SCEL: variants seen among roughly 807,000 people sequenced by gnomAD.
SCEL encodes sciellin.
SCEL carries 113 observed loss-of-function variants against 117.6 expected under a neutral mutation model. The observed-to-expected ratio is 0.96, with a 90% CI of 0.83 to 1.12. The LOEUF is 1.12. SCEL is among the 50% of genes most tolerant of loss of function. SCEL has a pLI of 0.00. For missense variants in SCEL, 785 were observed against 810.8 expected, an observed-to-expected ratio of 0.97 and a Z score of 0.39; for synonymous variants, 270 against 256.2, an observed-to-expected ratio of 1.05 and a Z score of -0.51.
chr13:77,551,671 C>T (rs1398634916), intron 1 of SCEL, among the ~76,000 whole-genome samples: 5 of 151,976 alleles, frequency 3.3e-5, no homozygotes, highest in Admixed American at 6.6e-5. Flanking sequence ...CTAAGGGCCT[C>T]GTTTTTTTGT....
At chr13:77,556,735 T>A (rs1421068695) in intron 3 of SCEL, 22 bp downstream of exon 3, 1 of 1,520,716 alleles carries the variant, frequency 6.6e-7, no homozygotes, top group Non-Finnish European at 9.1e-7. Flanking sequence ...TGGAGCGTGG[T>A]GGGTGGACAG....
At chr13:77,637,080 A>T in intron 29 of SCEL, 40 bp from the exon 30 acceptor site, 1 of 1,042,656 alleles carries the variant, frequency 9.6e-7, no homozygotes, top group Non-Finnish European at 1.4e-6. Context: ...ACATAAGGAA[A>T]ATCACCTGAT....
At chr13:77,593,295 T>TGTGTGTGTGCGC (rs796907419) in intron 11 of SCEL, among the ~76,000 whole-genome samples, 4,643 of 136,760 alleles carry the variant, frequency 0.034, 152 homozygotes, top group Non-Finnish European at 0.044. Flanking sequence ...TGTGTGTGTG[T>TGTGTGTGTGCGC]GTCTGTGTGT....
chr13:77,627,731 C>T (rs2089814555), intron 27 of SCEL, among the ~76,000 whole-genome samples: 1 of 151,934 alleles, frequency 6.6e-6, no homozygotes, highest in Non-Finnish European at 1.5e-5. Flanking sequence ...AAAGTTAGTT[C>T]TTTATTTCTC....
At chr13:77,556,226 A>T (rs577420529) in intron 2 of SCEL, among the ~76,000 whole-genome samples, 2 of 152,184 alleles carry the variant, frequency 1.3e-5, no homozygotes, top group African/African-American at 2.4e-5. Context: ...GACTATTACT[A>T]TGTATTATAA....
At chr13:77,550,390 A>ATG (rs1491073597) in intron 1 of SCEL, among the ~76,000 whole-genome samples, 133 of 904 alleles carry the variant, frequency 0.15, no homozygotes, top group East Asian at 0.29. Flanking sequence ...TGTCTAAAAT[A>ATG]TATATATATA....
chr13:77,568,992 T>A (rs965911471), intron 7 of SCEL, among the ~76,000 whole-genome samples: 7 of 152,228 alleles, frequency 4.6e-5, no homozygotes, highest in African/African-American at 1.4e-4. Context: ...TGATTTAAAA[T>A]TTTTTATTAA....
At chr13:77,640,541 T>C (rs575241113) in intron 30 of SCEL, 135 bp from the exon 31 acceptor site, 2 of 403,918 alleles carry the variant, frequency 5.0e-6, no homozygotes, top group African/African-American at 2.1e-5. Context: ...CTCCAAACTT[T>C]CCTTGTTTTT....
At chr13:77,624,845 TG>T (rs1482154952) in intron 27 of SCEL, among the ~76,000 whole-genome samples, 1 of 152,200 alleles carries the variant, frequency 6.6e-6, no homozygotes, top group African/African-American at 2.4e-5. Context: ...ACTTTCCCCC[TG>T]GGGTTCCTTT....
intron 1 of SCEL, among the ~76,000 whole-genome samples, chr13:77,539,432 G>A (rs2083580280): frequency 6.6e-6 from 1 of 151,838 alleles, no homozygotes; most frequent in African/African-American, 2.4e-5. Flanking sequence ...AAGACATAAA[G>A]GTGAAAGCGG....
intron 27 of SCEL, 133 bp downstream of exon 27, chr13:77,618,193 C>A: frequency 1.4e-6 from 1 of 710,872 alleles, no homozygotes; most frequent in Non-Finnish European, 2.5e-6. Flanking sequence ...TTCTTTCTTT[C>A]CTTCCTTCCT....
chr13:77,547,773 G>T (rs552360636), intron 1 of SCEL, among the ~76,000 whole-genome samples: 23 of 152,310 alleles, frequency 1.5e-4, no homozygotes, highest in African/African-American at 5.5e-4. Flanking sequence ...AGAAGGCCTG[G>T]TTAAATGAGA....
intron 3 of SCEL, among the ~76,000 whole-genome samples, chr13:77,558,600 G>A (rs993328525): frequency 1.3e-5 from 2 of 151,690 alleles, no homozygotes; most frequent in East Asian, 1.9e-4. Flanking sequence ...AGTCACTTGG[G>A]GTCAGGAGTT....
intron 9 of SCEL, among the ~76,000 whole-genome samples, chr13:77,588,313 G>C (rs1209053182): frequency 6.6e-6 from 1 of 152,130 alleles, no homozygotes; most frequent in Admixed American, 6.6e-5. Context: ...TTACCACACA[G>C]CTGGCAATTC....
intron 1 of SCEL, among the ~76,000 whole-genome samples, chr13:77,547,661 G>C (rs919276224): frequency 5.3e-5 from 8 of 152,132 alleles, no homozygotes; most frequent in Admixed American, 5.2e-4. Context: ...GAGGAAAACA[G>C]GTATCTCTTC....
chr13:77,542,519 C>T (rs369563864), intron 1 of SCEL, among the ~76,000 whole-genome samples: 2 of 152,200 alleles, frequency 1.3e-5, no homozygotes, highest in African/African-American at 2.4e-5. Flanking sequence ...TTTCCCAATG[C>T]TAAGCTTAGA....
intron 29 of SCEL, among the ~76,000 whole-genome samples, chr13:77,635,480 ATC>A (rs889651098): frequency 8.5e-5 from 13 of 152,292 alleles, no homozygotes; most frequent in South Asian, 2.1e-4. Context: ...TTACATAATA[ATC>A]TCTCACATTT....
intron 1 of SCEL, among the ~76,000 whole-genome samples, chr13:77,551,784 G>T (rs1593895468): frequency 6.6e-6 from 1 of 151,628 alleles, no homozygotes; most frequent in Non-Finnish European, 1.5e-5. Flanking sequence ...ATGCTGGTGT[G>T]CTGCACCCAT....
chr13:77,627,765 C>T (rs1168890660), intron 27 of SCEL, among the ~76,000 whole-genome samples, 182 bp from the exon 28 acceptor site: 1 of 151,936 alleles, frequency 6.6e-6, no homozygotes, highest in East Asian at 1.9e-4. Flanking sequence ...TCCATACTTC[C>T]ATGTTTGATC....
Sources: gnomAD v4.1 joint callset for allele counts (sites outside exome capture counted in the v4.1 genomes callset) on GRCh38, gnomAD v4.1.1 for gene constraint, MANE v1.5 for transcripts, NCBI Gene and HGNC (gene_info 2026-07-23, HGNC 2026-07-21) for gene names.